KIAA1614: variants seen among roughly 807,000 people sequenced by gnomAD.
KIAA1614 encodes the protein uncharacterized protein KIAA1614.
Under a neutral mutation model 88.7 loss-of-function variants are expected in KIAA1614, and 76 were observed. The ratio of observed to expected loss-of-function variants is 0.86; its 90% CI spans 0.71 to 1.04. The LOEUF (loss-of-function observed/expected upper bound fraction) is 1.04, where lower values mean the gene tolerates loss of function less well. Among genes scored for constraint, KIAA1614 ranks in the 50% least tolerant of loss-of-function variants. The pLI is 0.00. For synonymous variants in KIAA1614, 714 were observed against 675.5 expected (o/e 1.06, Z -0.88); for missense variants, 1,553 against 1,582.5 (o/e 0.98, Z 0.32).
At chr1:180,927,449 C>T (rs1654092865) in intron 3 of KIAA1614, among the ~76,000 whole-genome samples, 1 of 152,244 alleles carries the variant, frequency 6.6e-6, no homozygotes, top group South Asian at 2.1e-4. Context: ...GCTCCGCTTG[C>T]AATTGACGTT....
chr1:180,913,310 C>A lies in KIAA1614; in HGVS notation c.50+17C>A. ...CAGCCCCCAGTGAGTATAGAGGAGGCAGCGCCGGGCCGGCCGGGCGGGGGT... is the reference window on the plus strand; with the variant it reads ...CAGCCCCCAGTGAGTATAGAGGAGGAAGCGCCGGGCCGGCCGGGCGGGGGT... On this transcript the variant is annotated intron_variant, in intron 1 of 8. Coordinates refer to ENST00000367588, the MANE Select transcript of KIAA1614 (RefSeq NM_020950.2). 1 of 1,242,778 alleles carries A rather than the reference C, an allele frequency of 8.0e-7. No individual in the cohort carries two copies. The highest frequency in any genetic ancestry group is 3.9e-5 in the South Asian group (1 of 25,904). The allele number at this position is 1,242,778 out of a possible 1,614,324, so 77.0% of individuals were successfully genotyped here. A position where few individuals can be genotyped will look rare whatever the true frequency, so the allele number is the denominator to read the frequency against.
chr1:180,928,276 TG>T, intron 3 of KIAA1614, 153 bp from the exon 4 acceptor site: 2 of 909,784 alleles, frequency 2.2e-6, no homozygotes, highest in South Asian at 4.7e-5. Context: ...GCCCCCAGGC[TG>T]GGTTCCCTGT....
intron 4 of KIAA1614, among the ~76,000 whole-genome samples, chr1:180,934,252 CAA>C (rs71121058): frequency 0.39 from 38,927 of 100,956 alleles, 6,772 homozygotes; most frequent in South Asian, 0.52. Context: ...AACTCCGTCT[CAA>C]AAAAAAAAAA....
At chr1:180,926,678 G>T (rs1253108892) in intron 3 of KIAA1614, among the ~76,000 whole-genome samples, 1 of 152,214 alleles carries the variant, frequency 6.6e-6, no homozygotes. Flanking sequence ...TCACCGGAAG[G>T]CTCCGAGTGT....
intron 3 of KIAA1614, among the ~76,000 whole-genome samples, chr1:180,920,969 A>G (rs116616147): frequency 0.036 from 5,556 of 152,332 alleles, 135 homozygotes; most frequent in Non-Finnish European, 0.057. Flanking sequence ...GGCAAGAGCT[A>G]TGCTAAGTGC....
At chr1:180,918,158 G>A (rs997561834) in intron 3 of KIAA1614, among the ~76,000 whole-genome samples, 2 of 152,132 alleles carry the variant, frequency 1.3e-5, no homozygotes, top group African/African-American at 4.8e-5. Flanking sequence ...AAAGCGCATT[G>A]CTAACTACCT....
chr1:180,936,330 G>A lies in KIAA1614; in HGVS notation c.2421G>A (p.Ala807=), dbSNP rs752643528. 34 of 1,614,010 alleles carry A rather than the reference G, an allele frequency of 2.1e-5. No individual in the cohort carries two copies. The highest frequency in any genetic ancestry group is 4.0e-5 in the African/African-American group (3 of 74,918). ...CTTCCTTGTGTCCTGAAGGCTGGGC[G>A]CCAACCCCTCCCCCTTCGAGGAAAA... ...PTASLCPEGW[A]PTPPPSRKTT... Residue 807 remains alanine (A), a synonymous_variant, in exon 5 of 9, where the codon GCG becomes GCA. Transcript: ENST00000367588.
intron 3 of KIAA1614, among the ~76,000 whole-genome samples, chr1:180,926,822 G>A (rs1298058806): frequency 6.6e-6 from 1 of 152,246 alleles, no homozygotes; most frequent in East Asian, 1.9e-4. Flanking sequence ...TGTCTGCTGG[G>A]GAAGCTGTGC....
In KIAA1614 at chr1:180,936,191, G is replaced by A. The variant is rs1654329183; in HGVS notation, c.2282G>A (p.Gly761Glu). 6.2e-7 allele frequency: 1 copy of A among 1,614,048 alleles called. No individual in the cohort carries two copies. The highest frequency in any genetic ancestry group is 1.7e-5 in the Admixed American group (1 of 60,002). Residue 761 changes from glycine (G) to glutamate (E), a missense_variant, in exon 5 of 9, where the codon GGA (glycine) becomes GAA (glutamate). Physicochemically the swap from Gly to Glu is moderately conservative, Grantham distance 98. Transcript: ENST00000367588. The part of the protein sequence containing the change: ...APMTPESSGP[G>E]GQAQVTESHE... ...ATGACGCCTGAATCATCGGGGCCAG[G>A]AGGCCAGGCCCAGGTTACAGAAAGC...
chr1:180,939,157 C>A (rs1057124979), intron 6 of KIAA1614, among the ~76,000 whole-genome samples: 1 of 152,170 alleles, frequency 6.6e-6, no homozygotes, highest in Non-Finnish European at 1.5e-5. Context: ...CGAGTCCTGG[C>A]CCTCGGGACC....
intron 4 of KIAA1614, among the ~76,000 whole-genome samples, chr1:180,934,766 A>G (rs567450683): frequency 1.3e-5 from 2 of 152,182 alleles, no homozygotes; most frequent in African/African-American, 2.4e-5. Flanking sequence ...ACACACACAC[A>G]CAGACGCCGC....
chr1:180,942,627 C>T (rs1436898179), intron 7 of KIAA1614, among the ~76,000 whole-genome samples: 1 of 152,206 alleles, frequency 6.6e-6, no homozygotes, highest in Admixed American at 6.5e-5. Context: ...GAATCGGCAG[C>T]GGTGACTTGT....
chr1:180,921,607 TGGGCTAGGGATCTGG>T (rs2102258862), intron 3 of KIAA1614, among the ~76,000 whole-genome samples: 1 of 152,300 alleles, frequency 6.6e-6, no homozygotes, highest in Admixed American at 6.5e-5. Context: ...GGCCACCCCT[TGGGCTAGGGATCTGG>T]GGGTCTCCTT....
intron 8 of KIAA1614, 90 bp from the exon 9 acceptor site, chr1:180,945,213 T>C: frequency 7.1e-7 from 1 of 1,401,066 alleles, no homozygotes; most frequent in Non-Finnish European, 9.5e-7. Context: ...CTCTTAAGTC[T>C]GTGAGGCATC....
At chr1:180,940,269 G>A (rs1654426257) in intron 6 of KIAA1614, among the ~76,000 whole-genome samples, 1 of 152,240 alleles carries the variant, frequency 6.6e-6, no homozygotes, top group Non-Finnish European at 1.5e-5. Context: ...GGGAGGATGA[G>A]GCAGGTGGAT....
At chr1:180,940,586 T>G (rs935626693) in intron 6 of KIAA1614, among the ~76,000 whole-genome samples, 35 of 152,116 alleles carry the variant, frequency 2.3e-4, no homozygotes, top group African/African-American at 8.4e-4. Context: ...TGAGCTATAC[T>G]CCCCAAAAGC....
At position 180,946,506 on chromosome 1, in the gene KIAA1614, C is replaced by CT. The variant is rs1654600812; in HGVS notation, c.*919dup. The CT allele has an allele frequency of 6.6e-6, 1 of 152,172 alleles. No homozygotes were observed. The highest frequency in any genetic ancestry group is 2.4e-5 in the African/African-American group (1 of 41,376). The allele number at this position is 152,172 out of a possible 1,614,324, so 9.4% of individuals were successfully genotyped here. On this transcript the variant is annotated 3_prime_UTR_variant, in exon 9 of 9. Coordinates refer to ENST00000367588, the MANE Select transcript of KIAA1614 (RefSeq NM_020950.2). ...ACTTGCAAAAGCCCACGCCCAAGGT[C>CT]TGTGGTCCAGAATGCATCTCAAGGG...
chr1:180,943,447 C>T (rs934185636), intron 7 of KIAA1614, among the ~76,000 whole-genome samples: 2 of 112,354 alleles, frequency 1.8e-5, no homozygotes, highest in African/African-American at 6.8e-5. Context: ...CACAGCAGCA[C>T]AATTTGCAAT....
Position 180,941,079 on chromosome 1 carries a change from C to G in KIAA1614, c.2953C>G (p.Pro985Ala). 1.9e-6 allele frequency: 3 copies of G among 1,611,836 alleles called. No homozygotes were observed. Among genetic ancestry groups the G allele is most frequent in the Non-Finnish European group, 2.5e-6 (3 of 1,179,366 alleles). The change falls in exon 7 of 9, where the codon CCC becomes GCC. Residue 985 changes from proline (P) to alanine (A), a missense_variant. Coordinates refer to ENST00000367588, the MANE Select transcript of KIAA1614 (RefSeq NM_020950.2). The stretch of plus-strand genomic sequence containing the variant: ...AGGAGCTGGCACAGGACCCGGCTCC[C>G]CCTCGGCTGCCCCTTTGGACCAGAA... ...SAGAGTGPGS[P>A]SAAPLDQNKK...
Sources: gnomAD v4.1 joint callset for allele counts (sites outside exome capture counted in the v4.1 genomes callset) on GRCh38, gnomAD v4.1.1 for gene constraint, MANE v1.5 for transcripts, NCBI Gene and HGNC (gene_info 2026-07-23, HGNC 2026-07-21) for gene names.